Variants in C1orf21 observed in about 807,000 individuals in gnomAD.
C1orf21 encodes the protein uncharacterized protein C1orf21.
C1orf21 carries 3 observed loss-of-function variants against 18.7 expected under a neutral mutation model. That is an observed-to-expected ratio of 0.16 (90% confidence interval 0.07 to 0.42). The LOEUF (loss-of-function observed/expected upper bound fraction) is 0.42. C1orf21 is among the 10% of genes least tolerant of loss of function. The pLI is 0.99. For synonymous variants in C1orf21, 41 were observed against 46.4 expected (o/e 0.88, Z 0.47); for missense variants, 104 against 143.6 (o/e 0.72, Z 1.41).
At chr1:184,594,576 T>A (rs1163345458) in intron 4 of C1orf21, among the ~76,000 whole-genome samples, 1 of 152,222 alleles carries the variant, frequency 6.6e-6, no homozygotes, top group Non-Finnish European at 1.5e-5. Context: ...AGTCTCTTGG[T>A]ACAGAATTCT....
rs965702273 is a variant in C1orf21, at chr1:184,387,693, G to C, written c.-125+325G>C. 2.6e-5 allele frequency among the ~76,000 whole-genome samples: 4 copies of C among 152,166 alleles called. No homozygotes were observed. The highest frequency in any genetic ancestry group is 5.9e-5 in the Non-Finnish European group (4 of 68,016). On this transcript the variant is annotated intron_variant, in intron 1 of 5. Transcript: ENST00000235307. This position sits in a 1 kb window ranked among gnomAD's most constrained non-coding sequence, Gnocchi z 5.6. ...CGTCACATCGAGGCCTGGGTGGCTGGTGTTAGACACCCCTCCCTTCCCACC... is the reference window on the plus strand; with the variant it reads ...CGTCACATCGAGGCCTGGGTGGCTGCTGTTAGACACCCCTCCCTTCCCACC...
chr1:184,440,265 C>T (rs1367230498), intron 1 of C1orf21, among the ~76,000 whole-genome samples: 5 of 152,180 alleles, frequency 3.3e-5, no homozygotes, highest in East Asian at 1.9e-4. Context: ...TTTTTTGAGA[C>T]GGAGTCTTGC....
intron 1 of C1orf21, among the ~76,000 whole-genome samples, chr1:184,423,097 A>G (rs1656571873): frequency 6.6e-6 from 1 of 152,250 alleles, no homozygotes; most frequent in African/African-American, 2.4e-5. Context: ...ATAAAGAGCC[A>G]AGGAGACAAT....
At chr1:184,507,537 C>T in intron 2 of C1orf21, 51 bp from the exon 3 acceptor site, 1 of 1,472,730 alleles carries the variant, frequency 6.8e-7, no homozygotes, top group Non-Finnish European at 9.2e-7. Flanking sequence ...TGACACTTTT[C>T]TACTATTGGG....
rs1659922716 is a variant in C1orf21, at chr1:184,621,936, TTGAG to T, written c.*2383_*2386del. 1 of 152,182 alleles carries T rather than the reference TTGAG, an allele frequency of 6.6e-6. No homozygotes were observed. The highest frequency in any genetic ancestry group is 2.1e-4 in the South Asian group (1 of 4,830). The allele number at this position is 152,182 out of a possible 1,614,324, so 9.4% of individuals were successfully genotyped here. On this transcript the variant is annotated 3_prime_UTR_variant, in exon 6 of 6. Transcript: ENST00000235307. Reference sequence around the variant, plus strand: ...GAAATAGATCCAAGAAATGGGGTGGTTGAGTGGGTCCGCACGAAATGCTTGATTA... The same window carrying T: ...GAAATAGATCCAAGAAATGGGGTGGTTGGGTCCGCACGAAATGCTTGATTA...
intron 5 of C1orf21, among the ~76,000 whole-genome samples, chr1:184,605,578 A>G (rs1427563184): frequency 6.6e-6 from 1 of 152,198 alleles, no homozygotes; most frequent in Non-Finnish European, 1.5e-5. Flanking sequence ...GAGCAAGCAC[A>G]GTGCCAGATA....
chr1:184,445,483 T>A (rs1474513039), intron 1 of C1orf21, among the ~76,000 whole-genome samples: 42 of 109,398 alleles, frequency 3.8e-4, no homozygotes, highest in Admixed American at 3.5e-3. Context: ...TATCTGGACC[T>A]TTTTTTTTTT....
chr1:184,506,928 CT>C lies in C1orf21; in HGVS notation c.95-658del, dbSNP rs1252972759. The stretch of plus-strand genomic sequence containing the variant: ...ATTTCATCTGTTAGGTATAATAGCT[CT>C]TCATGCATATGACTTTACAGAGAGA... On this transcript the variant is annotated intron_variant, in intron 2 of 5. Coordinates refer to ENST00000235307, the MANE Select transcript of C1orf21 (RefSeq NM_030806.4). Among the ~76,000 whole-genome samples the C allele has an allele frequency of 3.3e-5, 5 of 151,660 alleles. No individual in the cohort carries two copies. The East Asian group carries it at 7.7e-4, about 23-fold the overall frequency.
At chr1:184,426,581 A>G (rs866867903) in intron 1 of C1orf21, among the ~76,000 whole-genome samples, 16 of 152,012 alleles carry the variant, frequency 1.1e-4, no homozygotes, top group Non-Finnish European at 2.1e-4. Flanking sequence ...TCTTCTTGAA[A>G]CGGTCTTCCT....
At chr1:184,566,848 G>A (rs1659041870) in intron 3 of C1orf21, 1 of 488,456 alleles carries the variant, frequency 2.0e-6, no homozygotes, top group Admixed American at 2.2e-5. Context: ...ACATCCAAAT[G>A]CTCGATGGAG....
chr1:184,416,944 G>GA (rs1383010435), intron 1 of C1orf21, among the ~76,000 whole-genome samples: 2 of 152,190 alleles, frequency 1.3e-5, no homozygotes, highest in Non-Finnish European at 2.9e-5. Flanking sequence ...TGACGATTTT[G>GA]ATGGAAAAGT....
intron 2 of C1orf21, among the ~76,000 whole-genome samples, chr1:184,483,806 C>G (rs531949537): frequency 6.6e-6 from 1 of 151,286 alleles, no homozygotes; most frequent in African/African-American, 2.4e-5. Context: ...ATTAAATCTT[C>G]TCTAGAACTT....
At chr1:184,520,142 C>T (rs1262804916) in intron 3 of C1orf21, among the ~76,000 whole-genome samples, 1 of 152,148 alleles carries the variant, frequency 6.6e-6, no homozygotes, top group Non-Finnish European at 1.5e-5. Context: ...CAAATTTCTT[C>T]CTTCTTTGAA....
At chr1:184,547,420 C>CTTTTTTTTTTTTTTT (rs34169321) in intron 3 of C1orf21, among the ~76,000 whole-genome samples, 2 of 102,966 alleles carry the variant, frequency 1.9e-5, no homozygotes, top group African/African-American at 4.4e-5. Flanking sequence ...TACATCCAGA[C>CTTTTTTTTTTTTTTT]TTTTTTTTTT....
chr1:184,552,969 T>C (rs2101982462), intron 3 of C1orf21, among the ~76,000 whole-genome samples: 1 of 152,332 alleles, frequency 6.6e-6, no homozygotes, highest in Admixed American at 6.5e-5. Context: ...TGAAGTTATT[T>C]CCATGAATTC....
At chr1:184,528,823 G>A (rs1004566125) in intron 3 of C1orf21, among the ~76,000 whole-genome samples, 2 of 152,122 alleles carry the variant, frequency 1.3e-5, no homozygotes, top group Non-Finnish European at 2.9e-5. Flanking sequence ...TTGGGTATTA[G>A]TCTATTTCCT....
intron 5 of C1orf21, among the ~76,000 whole-genome samples, chr1:184,615,065 G>C (rs536865347): frequency 2.8e-4 from 43 of 152,196 alleles, no homozygotes; most frequent in Non-Finnish European, 4.9e-4. Context: ...TTGAGCTGTT[G>C]CTCTTTAAAC....
At chr1:184,411,084 T>G (rs1302808139) in intron 1 of C1orf21, among the ~76,000 whole-genome samples, 1 of 152,146 alleles carries the variant, frequency 6.6e-6, no homozygotes, top group African/African-American at 2.4e-5. Context: ...CTAATTTTTT[T>G]GTTTAAACAG....
rs1350676722 is a variant in C1orf21, at chr1:184,623,805, A to G, written c.*4249A>G. On this transcript the variant is annotated 3_prime_UTR_variant, in exon 6 of 6. Transcript: ENST00000235307. ...TTTGTATGTCTCTAGAAAGGGGTCA[A>G]AAAACTATGGTAAAGATGAGGCTTA... The G allele has an allele frequency of 1.3e-5, 2 of 152,640 alleles. No individual in the cohort carries two copies. Among genetic ancestry groups the G allele is most frequent in the African/African-American group, 4.8e-5 (2 of 41,432 alleles). The allele number at this position is 152,640 out of a possible 1,614,324, so 9.5% of individuals were successfully genotyped here. A position where few individuals can be genotyped will look rare whatever the true frequency, so the allele number is the denominator to read the frequency against.
Sources: allele counts gnomAD v4.1 joint callset (sites outside exome capture counted in the v4.1 genomes callset), GRCh38; gene constraint gnomAD v4.1.1; non-coding constraint Gnocchi (gnomAD v3.1); transcripts MANE v1.5; gene names NCBI Gene and HGNC (gene_info 2026-07-23, HGNC 2026-07-21).